The following ERC2 variants were observed in gnomAD, a reference collection of about 807,000 sequenced individuals.
ERC2 encodes the protein ERC protein 2.
Under a neutral mutation model 114.8 loss-of-function variants are expected in ERC2, and 42 were observed. The ratio of observed to expected loss-of-function variants is 0.37; its 90% CI spans 0.29 to 0.47. ERC2 has a LOEUF of 0.47. Ranked by LOEUF, ERC2 falls within the 20% of genes least tolerant of loss-of-function variation. The pLI is 0.99. For missense variants in ERC2, 939 were observed against 1,150.7 expected, an observed-to-expected ratio of 0.82 and a Z score of 2.66; for synonymous variants, 454 against 425.5, an observed-to-expected ratio of 1.07 and a Z score of -0.82.
chr3:56,228,459 A>T (rs2050393963), intron 3 of ERC2, among the ~76,000 whole-genome samples: 2 of 152,232 alleles, frequency 1.3e-5, no homozygotes. Flanking sequence ...AGAATCATAC[A>T]GTATTTGCCT....
At chr3:55,642,348 C>CTT (rs11370185) in intron 17 of ERC2, among the ~76,000 whole-genome samples, 4 of 139,936 alleles carry the variant, frequency 2.9e-5, no homozygotes, top group Non-Finnish European at 6.1e-5. Context: ...TTTTTTTTTT[C>CTT]TTTTTTGACA....
At chr3:55,774,361 G>A (rs977350416) in intron 14 of ERC2, among the ~76,000 whole-genome samples, 1 of 152,224 alleles carries the variant, frequency 6.6e-6, no homozygotes, top group Admixed American at 6.5e-5. Context: ...TTTAGACACT[G>A]GGGAAATGAA....
intron 2 of ERC2, among the ~76,000 whole-genome samples, chr3:56,429,141 A>G (rs866073558): frequency 1.3e-5 from 2 of 152,198 alleles, no homozygotes; most frequent in Non-Finnish European, 2.9e-5. Flanking sequence ...ATTCACTCCT[A>G]TGTTTCCTCT....
In ERC2 at chr3:55,551,120, G is replaced by GTA. The variant is rs200465976; in HGVS notation, c.*40-39846_*40-39845dup. Among the ~76,000 whole-genome samples the GTA allele has an allele frequency of 9.8e-3, 1,482 of 151,646 alleles. 19 individuals are homozygous for GTA. The highest frequency in any genetic ancestry group is 0.031 in the African/African-American group (1,266 of 41,242). On this transcript the variant is annotated intron_variant, in intron 17 of 17. Transcript: ENST00000288221. ...ACAGTATGTGTGTGTGTGTATATGT[G>GTA]TATAGATATACACACACATACATAT...
chr3:55,621,138 C>T (rs577429453), intron 17 of ERC2, among the ~76,000 whole-genome samples: 2 of 151,940 alleles, frequency 1.3e-5, no homozygotes, highest in African/African-American at 2.4e-5. Context: ...ACTAAAACCC[C>T]GATTTGACTC....
At chr3:56,284,892 GAA>G (rs2054574534) in intron 3 of ERC2, among the ~76,000 whole-genome samples, 2 of 151,838 alleles carry the variant, frequency 1.3e-5, no homozygotes, top group African/African-American at 4.8e-5. Context: ...TTCTGAGAGA[GAA>G]GAGTGCAGTT....
At chr3:55,531,500 A>G (rs2053665965) in intron 17 of ERC2, among the ~76,000 whole-genome samples, 1 of 152,008 alleles carries the variant, frequency 6.6e-6, no homozygotes, top group African/African-American at 2.4e-5. Context: ...CCTTGCTGCC[A>G]TTTTTCATGC....
intron 4 of ERC2, among the ~76,000 whole-genome samples, chr3:56,167,928 C>A (rs2082407309): frequency 6.6e-6 from 1 of 152,156 alleles, no homozygotes. Flanking sequence ...AGCTCTGCAC[C>A]TTTCCAAAAA....
At chr3:55,826,029 G>C (rs1444693145) in intron 14 of ERC2, among the ~76,000 whole-genome samples, 1 of 150,746 alleles carries the variant, frequency 6.6e-6, no homozygotes, top group Non-Finnish European at 1.5e-5. Flanking sequence ...GAAGGAGGAA[G>C]AGAGGAAGGA....
chr3:56,083,216 T>C (rs566203311), intron 6 of ERC2, among the ~76,000 whole-genome samples: 3 of 152,164 alleles, frequency 2.0e-5, no homozygotes, highest in African/African-American at 7.2e-5. Flanking sequence ...ATATTATCTA[T>C]CCATAAAAAG....
chr3:56,261,589 T>C (rs1191451790), intron 3 of ERC2, among the ~76,000 whole-genome samples: 1 of 152,208 alleles, frequency 6.6e-6, no homozygotes, highest in Non-Finnish European at 1.5e-5. Context: ...GTGCCCTCTC[T>C]GGCTATCCCA....
rs151144278 is a variant in ERC2 at position 56,045,405 on chromosome 3, T to C, written c.1642-26374A>G. 2.2e-3 allele frequency among the ~76,000 whole-genome samples: 329 copies of C among 152,278 alleles called. 1 individual carries two copies. The highest frequency in any genetic ancestry group is 7.3e-3 in the African/African-American group (304 of 41,564). ...GTGCATTTGAGTCTTTAACAGTGTGTTCTACCTACATGGCAAGACATACCA... is the reference window on the plus strand; with the variant it reads ...GTGCATTTGAGTCTTTAACAGTGTGCTCTACCTACATGGCAAGACATACCA... On this transcript the variant is annotated intron_variant, in intron 7 of 17. Transcript: ENST00000288221.
At chr3:55,551,788 AT>A (rs2055226908) in intron 17 of ERC2, among the ~76,000 whole-genome samples, 1 of 152,200 alleles carries the variant, frequency 6.6e-6, no homozygotes, top group Admixed American at 6.5e-5. Context: ...GTCCAAAAAA[AT>A]ATCCTCACAG....
intron 6 of ERC2, among the ~76,000 whole-genome samples, chr3:56,124,800 T>C (rs1035830702): frequency 2.0e-5 from 3 of 151,876 alleles, no homozygotes; most frequent in Admixed American, 1.3e-4. Flanking sequence ...AGATGAGAAA[T>C]ATGGCCAAAA....
intron 2 of ERC2, among the ~76,000 whole-genome samples, chr3:56,413,569 A>C (rs1459234111): frequency 6.6e-6 from 1 of 152,176 alleles, no homozygotes; most frequent in Non-Finnish European, 1.5e-5. Context: ...CTGGTCTCTA[A>C]GTGCATAGTC....
At chr3:56,071,230 C>T (rs1425052004) in intron 7 of ERC2, among the ~76,000 whole-genome samples, 2 of 152,176 alleles carry the variant, frequency 1.3e-5, no homozygotes, top group African/African-American at 2.4e-5. Flanking sequence ...ACAAACAGGC[C>T]AGAGTAGGGC....
At chr3:56,356,649 C>T (rs771742596) in intron 2 of ERC2, among the ~76,000 whole-genome samples, 5 of 152,178 alleles carry the variant, frequency 3.3e-5, no homozygotes, top group Non-Finnish European at 5.9e-5. Context: ...GCCTACATAC[C>T]CAGATTTTAC....
chr3:56,230,612 A>G (rs780052865), intron 3 of ERC2, among the ~76,000 whole-genome samples: 43 of 152,172 alleles, frequency 2.8e-4, no homozygotes, highest in Non-Finnish European at 4.7e-4. Flanking sequence ...TTCCCTTAGA[A>G]TTCTTGAATT....
chr3:56,418,264 C>A (rs1165572417), intron 2 of ERC2, among the ~76,000 whole-genome samples: 1 of 150,686 alleles, frequency 6.6e-6, no homozygotes, highest in Non-Finnish European at 1.5e-5. Context: ...CCACTGCACC[C>A]CAGCCTGGGT....
Sources: allele counts gnomAD v4.1 joint callset (sites outside exome capture counted in the v4.1 genomes callset), GRCh38; gene constraint gnomAD v4.1.1; transcripts MANE v1.5; gene names NCBI Gene and HGNC (gene_info 2026-07-23, HGNC 2026-07-21).